Variants in TSHZ2 observed in about 807,000 individuals in gnomAD.
The protein encoded by TSHZ2 is teashirt homolog 2.
TSHZ2 carries 21 observed loss-of-function variants against 74.4 expected under a neutral mutation model. The ratio of observed to expected loss-of-function variants is 0.28; its 90% CI spans 0.20 to 0.41. The LOEUF (loss-of-function observed/expected upper bound fraction) is 0.41. Ranked by LOEUF, TSHZ2 falls within the 10% of genes least tolerant of loss-of-function variation. The pLI is 1.00. For synonymous variants in TSHZ2, 540 were observed against 515.3 expected (o/e 1.05, Z -0.65); for missense variants, 1,244 against 1,293.5 (o/e 0.96, Z 0.59).
chr20:53,026,874 A>G (rs1419508753), intron 1 of TSHZ2, among the ~76,000 whole-genome samples: 1 of 152,154 alleles, frequency 6.6e-6, no homozygotes, highest in Admixed American at 6.5e-5. Context: ...GTAGTGGCTC[A>G]TGCCTGTAAT....
intron 2 of TSHZ2, among the ~76,000 whole-genome samples, chr20:53,433,295 G>C (rs1470936285): frequency 6.6e-6 from 1 of 152,076 alleles, no homozygotes; most frequent in East Asian, 1.9e-4. Context: ...TGAGCATGGG[G>C]GTTCTAGACT....
chr20:52,973,386 C>T (rs1314479250), intron 1 of TSHZ2, 53 bp downstream of exon 1: 5 of 1,546,638 alleles, frequency 3.2e-6, no homozygotes, highest in Middle Eastern at 3.8e-4. Context: ...GCTCCTCGCC[C>T]GCCCTCCTTG....
chr20:53,091,572 T>A (rs1985887265), intron 1 of TSHZ2, among the ~76,000 whole-genome samples: 1 of 152,274 alleles, frequency 6.6e-6, no homozygotes, highest in Non-Finnish European at 1.5e-5. Context: ...AAAGCCATAC[T>A]ATTTCTTGGT....
intron 1 of TSHZ2, among the ~76,000 whole-genome samples, chr20:53,236,567 G>A (rs969021382): frequency 5.9e-5 from 9 of 152,204 alleles, no homozygotes; most frequent in African/African-American, 2.2e-4. Flanking sequence ...AGCTGTGAGA[G>A]GGCACTGGGT....
Position 53,138,240 on chromosome 20 carries a change from T to C in TSHZ2, c.41-115259T>C, listed in dbSNP as rs534027704. ...TACTAAAAAATACAAAAAAATTAGC[T>C]GGGCGTGGTGGTGGGCGCCTGTAGT... On this transcript the variant is annotated intron_variant, in intron 1 of 2. Coordinates refer to ENST00000371497, the MANE Select transcript of TSHZ2 (RefSeq NM_173485.6). Among the ~76,000 whole-genome samples the C allele has an allele frequency of 5.8e-4, 88 of 152,082 alleles. 2 individuals are homozygous for C. In the South Asian group the frequency reaches 0.016, roughly 28 times the overall value.
intron 2 of TSHZ2, among the ~76,000 whole-genome samples, chr20:53,429,821 T>TTGTGTGTG (rs145356694): frequency 1.6e-4 from 25 of 151,624 alleles, no homozygotes; most frequent in African/African-American, 6.1e-4. Flanking sequence ...GCATATTCAA[T>TTGTGTGTG]TGTGTGTGTG....
At chr20:53,385,960 A>C (rs1172655646) in intron 2 of TSHZ2, among the ~76,000 whole-genome samples, 5 of 152,206 alleles carry the variant, frequency 3.3e-5, no homozygotes, top group Non-Finnish European at 7.3e-5. Context: ...GCCACACCGG[A>C]CGAGGGTGTT....
chr20:53,063,121 G>A (rs1236769504), intron 1 of TSHZ2, among the ~76,000 whole-genome samples: 11 of 152,208 alleles, frequency 7.2e-5, no homozygotes, highest in African/African-American at 2.2e-4. Flanking sequence ...GAAATATTGC[G>A]AGAATTACCA....
intron 1 of TSHZ2, among the ~76,000 whole-genome samples, chr20:53,106,319 T>C (rs1465205217): frequency 3.3e-5 from 5 of 151,638 alleles, no homozygotes; most frequent in Non-Finnish European, 5.9e-5. Flanking sequence ...GAGGTCATAC[T>C]GTATTTGTCT....
At chr20:53,346,429 C>CT (rs1235811259) in intron 2 of TSHZ2, among the ~76,000 whole-genome samples, 22 of 152,218 alleles carry the variant, frequency 1.4e-4, no homozygotes, top group Admixed American at 2.6e-4. Context: ...GGAATGTCCT[C>CT]TTTCCAGAGA....
chr20:53,073,430 ATCCC>A (rs1436834175), intron 1 of TSHZ2, among the ~76,000 whole-genome samples: 25 of 150,612 alleles, frequency 1.7e-4, no homozygotes, highest in Admixed American at 1.4e-3. Flanking sequence ...TCATTCATCT[ATCCC>A]TCCATCCATC....
chr20:53,452,366 G>A (rs921974214), intron 2 of TSHZ2, among the ~76,000 whole-genome samples: 2 of 152,160 alleles, frequency 1.3e-5, no homozygotes, highest in East Asian at 1.9e-4. Flanking sequence ...TTGGGAGGCC[G>A]AGGCAGGTAA....
chr20:53,245,509 A>G (rs11907083), intron 1 of TSHZ2, among the ~76,000 whole-genome samples: 4,756 of 152,330 alleles, frequency 0.031, 250 homozygotes, highest in African/African-American at 0.11. Context: ...TCCCACATAC[A>G]CTGGTGAACA....
chr20:53,391,824 T>C (rs1160639104), intron 2 of TSHZ2, among the ~76,000 whole-genome samples: 1 of 152,124 alleles, frequency 6.6e-6, no homozygotes, highest in Non-Finnish European at 1.5e-5. Context: ...GCACCTGTGA[T>C]CCCAGCTAGT....
intron 2 of TSHZ2, among the ~76,000 whole-genome samples, chr20:53,461,951 C>G (rs1349831370): frequency 6.6e-6 from 1 of 151,396 alleles, no homozygotes; most frequent in Non-Finnish European, 1.5e-5. Context: ...AGAGCTATGG[C>G]CCAGGAGCAG....
At chr20:53,137,601 C>T (rs148822946) in intron 1 of TSHZ2, among the ~76,000 whole-genome samples, 1 of 152,218 alleles carries the variant, frequency 6.6e-6, no homozygotes, top group Non-Finnish European at 1.5e-5. Context: ...CTGAAGTGGC[C>T]CTCAAATGAG....
intron 1 of TSHZ2, among the ~76,000 whole-genome samples, chr20:53,209,173 C>A (rs953820331): frequency 6.6e-6 from 1 of 152,152 alleles, no homozygotes; most frequent in Non-Finnish European, 1.5e-5. Flanking sequence ...CTGCAATCTC[C>A]GTCTCCAAGG....
chr20:53,394,410 TAAG>T (rs1287465496), intron 2 of TSHZ2, among the ~76,000 whole-genome samples: 4 of 152,220 alleles, frequency 2.6e-5, no homozygotes, highest in African/African-American at 9.6e-5. Flanking sequence ...GTCTATAAAT[TAAG>T]AAAACTGGCT....
rs371605777 is a variant in TSHZ2, at chr20:53,176,773, G to A, written c.41-76726G>A. On this transcript the variant is annotated intron_variant, in intron 1 of 2. Transcript: ENST00000371497. ...GCAATCTCGGCTCACTGCAACCTCC[G>A]CCCCCTGAGTTCAAGCGATCCTCCT... Among the ~76,000 whole-genome samples, 60 of 148,566 alleles carry A rather than the reference G, an allele frequency of 4.0e-4. No individual in the cohort carries two copies. The East Asian group carries it at 7.6e-3, about 19-fold the overall frequency.
Sources: allele counts gnomAD v4.1 joint callset (sites outside exome capture counted in the v4.1 genomes callset), GRCh38; gene constraint gnomAD v4.1.1; transcripts MANE v1.5; gene names NCBI Gene and HGNC (gene_info 2026-07-23, HGNC 2026-07-21).